Variants in MAP3K2 observed in about 807,000 individuals in gnomAD.
MAP3K2 encodes mitogen-activated protein kinase kinase kinase 2, also known as MAP/ERK kinase kinase 2.
MAP3K2 carries 24 observed loss-of-function variants against 80.3 expected under a neutral mutation model. That is an observed-to-expected ratio of 0.30 (90% CI 0.22 to 0.42). MAP3K2 has a LOEUF of 0.42. Ranked by LOEUF, MAP3K2 falls within the 10% of genes least tolerant of loss-of-function variation. The probability of loss-of-function intolerance (pLI) is 1.00; values close to 1 mark genes in which losing one functional copy is unlikely to be tolerated. For synonymous variants in MAP3K2, 244 were observed against 253.7 expected (o/e 0.96, Z 0.36); for missense variants, 608 against 750.1 (o/e 0.81, Z 2.21).
At chr2:127,377,265 T>A (rs1160298046) in intron 1 of MAP3K2, among the ~76,000 whole-genome samples, 2 of 152,012 alleles carry the variant, frequency 1.3e-5, no homozygotes, top group Non-Finnish European at 2.9e-5. Flanking sequence ...GTAATACAAA[T>A]AAAGAAATAA....
intron 1 of MAP3K2, among the ~76,000 whole-genome samples, chr2:127,378,981 GTTTTTTT>G (rs58961718): frequency 6.4e-4 from 56 of 88,048 alleles, no homozygotes; most frequent in Middle Eastern, 7.8e-3. Flanking sequence ...GTTTTTTGTT[GTTTTTTT>G]TTTTTTTTTT....
intron 1 of MAP3K2, among the ~76,000 whole-genome samples, chr2:127,385,219 T>A (rs1005812735): frequency 7.9e-5 from 12 of 152,224 alleles, no homozygotes; most frequent in African/African-American, 2.7e-4. Context: ...ACTTCACTAA[T>A]GTCTTACTTT....
At chr2:127,334,377 G>T (rs1019779014) in intron 5 of MAP3K2, among the ~76,000 whole-genome samples, 51 of 152,174 alleles carry the variant, frequency 3.4e-4, no homozygotes, top group African/African-American at 1.2e-3. Flanking sequence ...AAAAAGATAT[G>T]TCTAGGCTCC....
chr2:127,367,382 A>T (rs541893099), intron 1 of MAP3K2, among the ~76,000 whole-genome samples: 1 of 152,216 alleles, frequency 6.6e-6, no homozygotes, highest in South Asian at 2.1e-4. Flanking sequence ...TAAAATGCCT[A>T]ATCAGAATAT....
chr2:127,330,124 T>A, intron 6 of MAP3K2, 116 bp from the exon 7 acceptor site: 1 of 653,546 alleles, frequency 1.5e-6, no homozygotes, highest in East Asian at 2.6e-5. Context: ...AATCAAATCC[T>A]CTACTCTTTG....
At position 127,307,775 on chromosome 2, in the gene MAP3K2, A is replaced by C; in HGVS notation, c.1664T>G (p.Leu555Arg). 1 of 1,593,400 alleles carries C rather than the reference A, an allele frequency of 6.3e-7. No individual in the cohort carries two copies. Among genetic ancestry groups the C allele is most frequent in the East Asian group, 2.3e-5 (1 of 44,332 alleles). ...TTCAGCCCAAGGCGGCTTTTCAGTT[A>C]GCATTTCTACCACAGTACATGCAAC... ...WSVACTVVEM[L>R]TEKPPWAEFE... The change falls in exon 17 of 17, where the codon CTA becomes CGA. Residue 555 changes from leucine (L) to arginine (R), a missense_variant. This residue lies in a region of MAP3K2 where 11 missense variants were observed against 42.2 expected (regional missense o/e 0.26). Transcript: ENST00000682094. This position sits in a 1 kb window ranked among gnomAD's most constrained non-coding sequence, Gnocchi z 5.4.
chr2:127,342,054 A>G (rs1373716238), intron 2 of MAP3K2, among the ~76,000 whole-genome samples: 1 of 152,126 alleles, frequency 6.6e-6, no homozygotes, highest in Non-Finnish European at 1.5e-5. Flanking sequence ...TTTTTAAGCA[A>G]TGAATGTTGC....
At chr2:127,331,765 G>C (rs10221754) in intron 5 of MAP3K2, among the ~76,000 whole-genome samples, 1 of 152,030 alleles carries the variant, frequency 6.6e-6, no homozygotes, top group Non-Finnish European at 1.5e-5. Flanking sequence ...ACCACCACGC[G>C]TGGCTAATTT....
At chr2:127,317,554 C>A in intron 14 of MAP3K2, 75 bp downstream of exon 14, 2 of 1,277,938 alleles carry the variant, frequency 1.6e-6, no homozygotes, top group Non-Finnish European at 2.1e-6. Flanking sequence ...TTATAATCTA[C>A]GTTTTTGTTG....
chr2:127,343,829 C>T (rs1686544351), intron 1 of MAP3K2, among the ~76,000 whole-genome samples: 1 of 151,684 alleles, frequency 6.6e-6, no homozygotes. Context: ...ACCAGCCTGT[C>T]CAACACGGTG....
intron 7 of MAP3K2, among the ~76,000 whole-genome samples, chr2:127,328,194 G>A (rs983705270): frequency 6.6e-6 from 1 of 152,232 alleles, no homozygotes; most frequent in Non-Finnish European, 1.5e-5. Context: ...AGAATCACTT[G>A]AACCCAGGAG....
intron 5 of MAP3K2, among the ~76,000 whole-genome samples, chr2:127,332,057 G>T (rs1413210268): frequency 1.3e-5 from 2 of 152,078 alleles, no homozygotes; most frequent in African/African-American, 4.8e-5. Context: ...TTACTGTAAG[G>T]GACCGACTAA....
rs574982568 is a variant in MAP3K2, at chr2:127,322,460, C to T, written c.839-208G>A. ...GATAAAACATGTATGAGTGTGCACA[C>T]AGAAACATACACACACACATCTTAA... On this transcript the variant is annotated intron_variant, in intron 11 of 16. Transcript: ENST00000682094. The surrounding 1 kb of genome is among the most constrained non-coding windows in gnomAD (Gnocchi z 4.2). Among the ~76,000 whole-genome samples, 2 of 152,200 alleles carry T rather than the reference C, an allele frequency of 1.3e-5. No individual in the cohort carries two copies. The highest frequency in any genetic ancestry group is 3.9e-4 in the East Asian group (2 of 5,176).
intron 1 of MAP3K2, among the ~76,000 whole-genome samples, chr2:127,385,239 C>T (rs979666492): frequency 2.0e-5 from 3 of 152,114 alleles, no homozygotes; most frequent in Non-Finnish European, 4.4e-5. Context: ...TAAGAAATTG[C>T]CTCAGCCATC....
At chr2:127,313,335 C>A (rs1417372776) in intron 15 of MAP3K2, among the ~76,000 whole-genome samples, 1 of 152,184 alleles carries the variant, frequency 6.6e-6, no homozygotes, top group East Asian at 1.9e-4. Flanking sequence ...GTTCTTCAAG[C>A]TATCAGGTTT....
In MAP3K2 at chr2:127,384,079, TAA is replaced by T. The variant is rs1177296237; in HGVS notation, c.-66+3371_-66+3372del. Among the ~76,000 whole-genome samples the T allele has an allele frequency of 2.6e-5, 4 of 151,776 alleles. No homozygotes were observed. In the East Asian group the frequency reaches 7.7e-4, roughly 29 times the overall value. On this transcript the variant is annotated intron_variant, in intron 1 of 16. Transcript: ENST00000682094. ...TTGTTTGTTTGTTTTGTATTTTTAGTAAAGACGGGGTTTCATCCTGTTAGCCA... is the reference window on the plus strand; with the variant it reads ...TTGTTTGTTTGTTTTGTATTTTTAGTAGACGGGGTTTCATCCTGTTAGCCA...
chr2:127,332,840 G>T (rs911579513), intron 5 of MAP3K2, among the ~76,000 whole-genome samples: 1 of 152,034 alleles, frequency 6.6e-6, no homozygotes, highest in Non-Finnish European at 1.5e-5. Context: ...CCATTAAAAG[G>T]TTCTCCAGGC....
chr2:127,309,993 T>C (rs546524532), intron 15 of MAP3K2, among the ~76,000 whole-genome samples: 3 of 152,328 alleles, frequency 2.0e-5, no homozygotes, highest in Non-Finnish European at 2.9e-5. Context: ...GCTGAGTAGC[T>C]ACATAAATTA....
chr2:127,312,897 C>T (rs941709484), intron 15 of MAP3K2, among the ~76,000 whole-genome samples: 2 of 144,100 alleles, frequency 1.4e-5, no homozygotes, highest in Admixed American at 6.9e-5. Context: ...AGGGTGGGGG[C>T]GGAGGTTGTG....
Sources: allele counts gnomAD v4.1 joint callset (sites outside exome capture counted in the v4.1 genomes callset), GRCh38; gene constraint gnomAD v4.1.1; regional missense constraint gnomAD v4.1.1; non-coding constraint Gnocchi (gnomAD v3.1); transcripts MANE v1.5; gene names NCBI Gene and HGNC (gene_info 2026-07-23, HGNC 2026-07-21).